TBXAS1: variants seen among roughly 807,000 people sequenced by gnomAD.
TBXAS1 encodes thromboxane-A synthase.
In TBXAS1, 48 loss-of-function variants were observed where a neutral mutation model predicts 60.7. That is an observed-to-expected ratio of 0.79 (90% CI 0.63 to 1.01). The LOEUF is 1.01. Among genes scored for constraint, TBXAS1 ranks in the 50% least tolerant of loss-of-function variants. The pLI, the probability that TBXAS1 is intolerant of heterozygous loss-of-function variation, is 0.00. For synonymous variants in TBXAS1, 287 were observed against 269.7 expected (o/e 1.06, Z -0.63); for missense variants, 685 against 686.3 (o/e 1.00, Z 0.02).
intron 11 of TBXAS1, among the ~76,000 whole-genome samples, chr7:140,016,082 A>C (rs1325225825): frequency 1.3e-5 from 2 of 152,148 alleles, no homozygotes; most frequent in African/African-American, 4.8e-5. Context: ...TAATCCCAGC[A>C]CTTTGGGAGG....
chr7:139,819,325 A>C (rs1475826231), intron 4 of TBXAS1, among the ~76,000 whole-genome samples: 1 of 152,176 alleles, frequency 6.6e-6, no homozygotes, highest in Non-Finnish European at 1.5e-5. Context: ...ACAGGGTTAC[A>C]AGATGGAAAA....
intron 4 of TBXAS1, among the ~76,000 whole-genome samples, chr7:139,818,575 T>G (rs1341518581): frequency 2.0e-5 from 3 of 152,188 alleles, no homozygotes; most frequent in Non-Finnish European, 4.4e-5. Context: ...TACCACCTGC[T>G]GACATATTCC....
intron 1 of TBXAS1, among the ~76,000 whole-genome samples, chr7:139,870,243 C>G (rs1199487634): frequency 6.6e-6 from 1 of 152,212 alleles, no homozygotes; most frequent in Non-Finnish European, 1.5e-5. Context: ...AGGGCATGGA[C>G]TTGCATAATA....
chr7:139,949,277 C>T (rs983696114), intron 5 of TBXAS1, among the ~76,000 whole-genome samples: 2 of 152,168 alleles, frequency 1.3e-5, no homozygotes, highest in African/African-American at 4.8e-5. Flanking sequence ...AAGAAAGCTT[C>T]AAGCTAGATA....
intron 4 of TBXAS1, among the ~76,000 whole-genome samples, chr7:139,935,059 C>T (rs187287743): frequency 1.0e-3 from 154 of 152,278 alleles, no homozygotes; most frequent in African/African-American, 3.6e-3. Context: ...GGTGATCCAC[C>T]CACCTTGGCC....
chr7:139,955,407 G>A, intron 6 of TBXAS1, 52 bp from the exon 7 acceptor site: 6 of 1,612,024 alleles, frequency 3.7e-6, no homozygotes, highest in Non-Finnish European at 5.1e-6. Flanking sequence ...GGGCCATTGT[G>A]GGTAGCCCCT....
chr7:139,793,022 A>G (rs1797435951), intron 4 of TBXAS1, among the ~76,000 whole-genome samples: 2 of 152,358 alleles, frequency 1.3e-5, no homozygotes, highest in African/African-American at 4.8e-5. Context: ...ACCAGTTTTT[A>G]GATATGTAAT....
chr7:139,832,601 C>T (rs1218646867), intron 1 of TBXAS1, among the ~76,000 whole-genome samples: 4 of 152,154 alleles, frequency 2.6e-5, no homozygotes, highest in African/African-American at 9.7e-5. Flanking sequence ...ATACAAGAAG[C>T]ACAAAGAACA....
chr7:139,840,403 A>G (rs972779039), intron 1 of TBXAS1, among the ~76,000 whole-genome samples: 1 of 152,242 alleles, frequency 6.6e-6, no homozygotes, highest in African/African-American at 2.4e-5. Flanking sequence ...AAAAGTGTTT[A>G]GGAAATTAAG....
At chr7:139,928,229 A>AT (rs1213575206) in intron 4 of TBXAS1, among the ~76,000 whole-genome samples, 10 of 152,228 alleles carry the variant, frequency 6.6e-5, no homozygotes, top group African/African-American at 2.4e-4. Flanking sequence ...TTTCTTCTGC[A>AT]TCTCTTGAGA....
intron 4 of TBXAS1, among the ~76,000 whole-genome samples, chr7:139,928,506 G>A (rs900295741): frequency 2.6e-5 from 4 of 152,168 alleles, no homozygotes; most frequent in Admixed American, 6.5e-5. Flanking sequence ...ATGTTAAATC[G>A]TGACTCTGTG....
intron 5 of TBXAS1, among the ~76,000 whole-genome samples, chr7:139,939,766 A>C (rs1382874264): frequency 6.6e-6 from 1 of 152,108 alleles, no homozygotes; most frequent in East Asian, 1.9e-4. Flanking sequence ...CGGAGGAGAA[A>C]CCTATAAAGA....
intron 3 of TBXAS1, among the ~76,000 whole-genome samples, chr7:139,886,920 A>T (rs1803158596): frequency 6.6e-6 from 1 of 152,184 alleles, no homozygotes; most frequent in Non-Finnish European, 1.5e-5. Flanking sequence ...GCATCCCATG[A>T]GCAAGAAGCC....
chr7:139,894,717 G>C (rs1282332532), intron 3 of TBXAS1, among the ~76,000 whole-genome samples: 5 of 152,136 alleles, frequency 3.3e-5, no homozygotes, highest in African/African-American at 1.2e-4. Context: ...CTCTTTGGGG[G>C]TCTATGTCCA....
rs1400792931 is a variant in TBXAS1, at chr7:139,805,594, C to T, written c.-80+18168C>T. ...TAGAATGAAAGTCTAGAACACATCC[C>T]TAGATTTTCTTTCTCTCTCTTTCCT... On this transcript the variant is annotated intron_variant, in intron 4 of 16. Coordinates refer to the TBXAS1 transcript ENST00000336425. Among the ~76,000 whole-genome samples, 9 of 152,116 alleles carry T rather than the reference C, an allele frequency of 5.9e-5. No homozygotes were observed. In the South Asian group the frequency reaches 1.9e-3, roughly 32 times the overall value.
rs1005491872 is a variant in TBXAS1 at position 140,013,584 on chromosome 7, CAGG to C, written c.1227-2137_1227-2135del. On this transcript the variant is annotated intron_variant, in intron 10 of 12. Transcript: ENST00000448866. The surrounding 1 kb of genome is among the most constrained non-coding windows in gnomAD (Gnocchi z 4.2). ...TGGGGTAAGGAAGCTAGAACTCTCC[CAGG>C]AACCAGGAACGGCTCTCACTGGCAG... Among the ~76,000 whole-genome samples the C allele has an allele frequency of 2.0e-5, 3 of 152,202 alleles. No individual in the cohort carries two copies. The highest frequency in any genetic ancestry group is 7.2e-5 in the African/African-American group (3 of 41,444).
chr7:139,956,460 T>C (rs971761041), intron 7 of TBXAS1, among the ~76,000 whole-genome samples: 1 of 152,238 alleles, frequency 6.6e-6, no homozygotes, highest in South Asian at 2.1e-4. Context: ...TTTATTTTTA[T>C]TGTAGAAGTG....
At chr7:139,882,947 A>G (rs1802809140) in intron 3 of TBXAS1, among the ~76,000 whole-genome samples, 1 of 152,194 alleles carries the variant, frequency 6.6e-6, no homozygotes, top group South Asian at 2.1e-4. Context: ...AGCCTGTAAG[A>G]GCACCTTTTT....
rs113655402 is a variant in TBXAS1, at chr7:139,991,556, A to C, written c.1135-15535A>C. Reference sequence around the variant, plus strand: ...CATCAAGGGAGGCACGCAGGCTGCTAAGGGGACCCTTGCAGAACAGATGAA... The same window carrying C: ...CATCAAGGGAGGCACGCAGGCTGCTCAGGGGACCCTTGCAGAACAGATGAA... On this transcript the variant is annotated intron_variant, in intron 9 of 12. Transcript: ENST00000448866. Among the ~76,000 whole-genome samples, 41 of 152,280 alleles carry C rather than the reference A, an allele frequency of 2.7e-4. 2 individuals carry two copies. Among genetic ancestry groups the C allele is most frequent in the African/African-American group, 9.9e-4 (41 of 41,542 alleles).
Sources: allele counts gnomAD v4.1 joint callset (sites outside exome capture counted in the v4.1 genomes callset), GRCh38; gene constraint gnomAD v4.1.1; non-coding constraint Gnocchi (gnomAD v3.1); transcripts MANE v1.5; gene names NCBI Gene and HGNC (gene_info 2026-07-23, HGNC 2026-07-21).